Variants in CCDC112 observed in about 807,000 individuals in gnomAD.
The protein encoded by CCDC112 is coiled-coil domain-containing protein 112.
In CCDC112, 40 loss-of-function variants were observed where a neutral mutation model predicts 66.3. The ratio of observed to expected loss-of-function variants is 0.60; its 90% CI spans 0.47 to 0.79. The LOEUF (loss-of-function observed/expected upper bound fraction) is 0.79, where lower values mean the gene tolerates loss of function less well. CCDC112 is among the 30% of genes least tolerant of loss of function. The pLI, the probability that CCDC112 is intolerant of heterozygous loss-of-function variation, is 0.00. For synonymous variants in CCDC112, 214 were observed against 197.2 expected (o/e 1.09, Z -0.71); for missense variants, 659 against 603.8 (o/e 1.09, Z -0.96).
At chr5:115,281,523 T>A (rs879256325) in intron 2 of CCDC112, among the ~76,000 whole-genome samples, 6 of 152,204 alleles carry the variant, frequency 3.9e-5, no homozygotes, top group Non-Finnish European at 8.8e-5. Context: ...GCAACTCTAA[T>A]GGACTGAGTC....
chr5:115,278,100 T>C (rs1749285765), intron 3 of CCDC112, among the ~76,000 whole-genome samples: 1 of 152,182 alleles, frequency 6.6e-6, no homozygotes, highest in Non-Finnish European at 1.5e-5. Context: ...GCAGAAACTT[T>C]TTGTAATTTA....
At chr5:115,280,446 C>G (rs893068472) in intron 2 of CCDC112, 2 of 152,126 alleles carry the variant, frequency 1.3e-5, no homozygotes, top group Non-Finnish European at 2.9e-5. Flanking sequence ...TGAATTTAGT[C>G]TAACAGTAAG....
chr5:115,288,373 CAT>C, intron 1 of CCDC112, among the ~76,000 whole-genome samples: 1 of 152,312 alleles, frequency 6.6e-6, no homozygotes, highest in Admixed American at 6.5e-5. Flanking sequence ...AGTATCTTCA[CAT>C]GTTGATAAGC....
chr5:115,279,558 A>G, intron 3 of CCDC112, 89 bp downstream of exon 3: 2 of 1,289,996 alleles, frequency 1.6e-6, no homozygotes, highest in South Asian at 2.4e-5. Flanking sequence ...AGAGAACACA[A>G]TACAGTCAAT....
At chr5:115,281,149 G>C (rs940361736) in intron 2 of CCDC112, among the ~76,000 whole-genome samples, 2 of 151,374 alleles carry the variant, frequency 1.3e-5, no homozygotes, top group African/African-American at 2.4e-5. Context: ...TCAGCCTCCC[G>C]AGTAACTGGG....
In CCDC112 at chr5:115,271,395, CTT is replaced by C; in HGVS notation, c.1148_1149del (p.Lys383ArgfsTer13). 6.2e-7 allele frequency: 1 copy of C among 1,608,334 alleles called. No individual in the cohort carries two copies. The highest frequency in any genetic ancestry group is 8.5e-7 in the Non-Finnish European group (1 of 1,178,856). ...TGGCGTTCTTTCTGATGTTTTTTCT[CTT>C]TCTCTTCTTCTTCTTTTAACTGGGA... is the stretch of plus-strand genomic sequence containing the variant. The part of the protein sequence containing the change: ...CASQLKEEEE[K>X]EKKHQKERQR... On this transcript the variant is annotated frameshift_variant, in exon 7 of 10. Coordinates refer to ENST00000379611, the MANE Select transcript of CCDC112 (RefSeq NM_001040440.3). LOFTEE classifies it high-confidence loss of function.
At chr5:115,278,387 T>A (rs1169512501) in intron 3 of CCDC112, among the ~76,000 whole-genome samples, 1 of 151,948 alleles carries the variant, frequency 6.6e-6, no homozygotes, top group African/African-American at 2.4e-5. Context: ...AAGGGAAAAC[T>A]TCTCTACACT....
At chr5:115,284,707 G>T in intron 2 of CCDC112, 80 bp downstream of exon 2, 2 of 1,120,840 alleles carry the variant, frequency 1.8e-6, no homozygotes, top group South Asian at 1.4e-5. Flanking sequence ...AGCCTAGGTA[G>T]GGTAGAGTAG....
rs76544632 is a variant in CCDC112, at chr5:115,293,211, C to T, written c.117+3216G>A. 6.5e-3 allele frequency among the ~76,000 whole-genome samples: 996 copies of T among 152,206 alleles called. 13 individuals are homozygous for T. The highest frequency in any genetic ancestry group is 0.023 in the African/African-American group (955 of 41,522). ...GGAAGGAAATAGGTAGTTGGTCAAACGGTGCAAAGTTTCAGATAGACAGGA... is the reference window on the plus strand; with the variant it reads ...GGAAGGAAATAGGTAGTTGGTCAAATGGTGCAAAGTTTCAGATAGACAGGA... On this transcript the variant is annotated intron_variant, in intron 1 of 9. Coordinates refer to ENST00000379611, the MANE Select transcript of CCDC112 (RefSeq NM_001040440.3).
At chr5:115,290,079 C>T (rs1749857476) in intron 1 of CCDC112, among the ~76,000 whole-genome samples, 1 of 152,220 alleles carries the variant, frequency 6.6e-6, no homozygotes, top group Admixed American at 6.5e-5. Context: ...AAACTACTGA[C>T]TGACCAAAGG....
At chr5:115,291,575 G>C (rs1749933823) in intron 1 of CCDC112, among the ~76,000 whole-genome samples, 1 of 152,052 alleles carries the variant, frequency 6.6e-6, no homozygotes, top group Admixed American at 6.5e-5. Flanking sequence ...ATACATTTAT[G>C]CTGACTTTCA....
At chr5:115,269,831 C>A in intron 7 of CCDC112, 33 bp from the exon 8 acceptor site, 1 of 1,325,396 alleles carries the variant, frequency 7.5e-7, no homozygotes, top group Non-Finnish European at 1.0e-6. Flanking sequence ...ATTAAGAAAG[C>A]ATGTGAACTA....
At chr5:115,281,295 A>C (rs547337774) in intron 2 of CCDC112, among the ~76,000 whole-genome samples, 1 of 152,294 alleles carries the variant, frequency 6.6e-6, no homozygotes, top group East Asian at 1.9e-4. Flanking sequence ...AAATGCTGGG[A>C]TTACAGGCAT....
At chr5:115,269,252 A>T (rs537620047) in intron 8 of CCDC112, among the ~76,000 whole-genome samples, 8 of 152,076 alleles carry the variant, frequency 5.3e-5, no homozygotes, top group African/African-American at 1.9e-4. Context: ...TTCTATTTCT[A>T]TTATGAGAGA....
At position 115,269,001 on chromosome 5, in the gene CCDC112, C is replaced by A; in HGVS notation, c.1429-1G>T. 1 of 1,554,432 alleles carries A rather than the reference C, an allele frequency of 6.4e-7. No individual in the cohort carries two copies. ...GATCTCTACTAACATTGTTTTCAAC[C>A]TGTAATCAGAAGTAAAATAGTACCA... On this transcript the variant is annotated splice_acceptor_variant, in intron 8 of 9. Coordinates refer to ENST00000379611, the MANE Select transcript of CCDC112 (RefSeq NM_001040440.3). LOFTEE classifies it high-confidence loss of function.
intron 3 of CCDC112, 147 bp from the exon 4 acceptor site, chr5:115,277,201 C>A: frequency 1.8e-6 from 1 of 540,850 alleles, no homozygotes; most frequent in Middle Eastern, 4.1e-4. Context: ...AACATTAATA[C>A]TTTAAGTACC....
chr5:115,296,007 C>G (rs1278724736), intron 1 of CCDC112: 16 of 990,026 alleles, frequency 1.6e-5, no homozygotes, highest in Non-Finnish European at 1.8e-5. Flanking sequence ...GTTCCCAGCG[C>G]CGGTACAGTA....
At chr5:115,276,198 G>A (rs368092696) in intron 4 of CCDC112, 129 bp from the exon 5 acceptor site, 2 of 623,214 alleles carry the variant, frequency 3.2e-6, no homozygotes, top group East Asian at 3.1e-5. Context: ...TAAGAAAGTT[G>A]TGCTCAAAAG....
intron 3 of CCDC112, among the ~76,000 whole-genome samples, chr5:115,278,282 C>G (rs1359236913): frequency 1.3e-5 from 2 of 151,860 alleles, no homozygotes; most frequent in African/African-American, 4.8e-5. Context: ...ATAGACAAAT[C>G]ATTTAAGTAC....
Sources: allele counts gnomAD v4.1 joint callset (sites outside exome capture counted in the v4.1 genomes callset), GRCh38; gene constraint gnomAD v4.1.1; transcripts MANE v1.5; gene names NCBI Gene and HGNC (gene_info 2026-07-23, HGNC 2026-07-21).